VTI1A: variants seen among roughly 807,000 people sequenced by gnomAD.
The protein encoded by VTI1A is vesicle transport through interaction with t-SNAREs homolog 1A.
VTI1A carries 22 observed loss-of-function variants against 34.9 expected under a neutral mutation model. That is an observed-to-expected ratio of 0.63 (90% confidence interval 0.45 to 0.90). The LOEUF (loss-of-function observed/expected upper bound fraction) is 0.90, where lower values mean the gene tolerates loss of function less well. Ranked by LOEUF, VTI1A falls within the 40% of genes least tolerant of loss-of-function variation. The probability of loss-of-function intolerance (pLI) is 0.00; values close to 1 mark genes in which losing one functional copy is unlikely to be tolerated. For synonymous variants in VTI1A, 87 were observed against 97.3 expected (o/e 0.89, Z 0.62); for missense variants, 268 against 275.6 (o/e 0.97, Z 0.20).
intron 4 of VTI1A, among the ~76,000 whole-genome samples, chr10:112,535,425 T>C (rs1850583407): frequency 6.6e-6 from 1 of 152,196 alleles, no homozygotes. Flanking sequence ...AACTTGCAAC[T>C]GTGCTAAGAA....
At chr10:112,820,279 A>C (rs957927019), downstream of VTI1A, among the ~76,000 whole-genome samples, 12 of 151,656 alleles carry the variant, frequency 7.9e-5, no homozygotes, top group African/African-American at 2.9e-4. Flanking sequence ...GGAAGAAAGG[A>C]AGGAAGAAAG....
At chr10:112,791,461 T>A (rs1248585636) in intron 7 of VTI1A, among the ~76,000 whole-genome samples, 1 of 152,158 alleles carries the variant, frequency 6.6e-6, no homozygotes, top group Non-Finnish European at 1.5e-5. Context: ...CACCCACTCA[T>A]CAGGTGATTG....
intron 3 of VTI1A, among the ~76,000 whole-genome samples, chr10:112,508,287 T>C (rs1849498803): frequency 6.6e-6 from 1 of 152,226 alleles, no homozygotes; most frequent in Admixed American, 6.5e-5. Flanking sequence ...CTGGTGCTTC[T>C]CAAGCTTATC....
intron 5 of VTI1A, among the ~76,000 whole-genome samples, chr10:112,547,596 A>C (rs1851180810): frequency 6.6e-6 from 1 of 151,954 alleles, no homozygotes; most frequent in African/African-American, 2.4e-5. Context: ...TCATAATCAT[A>C]ATAATAATAA....
chr10:112,644,927 A>C (rs367629744), intron 5 of VTI1A, among the ~76,000 whole-genome samples: 38 of 152,222 alleles, frequency 2.5e-4, no homozygotes, highest in African/African-American at 8.9e-4. Context: ...AAATAGTACA[A>C]TTATTTGATA....
rs1360853423 is a variant in VTI1A, at chr10:112,767,450, A to G, written c.561-47840A>G. ...CAGACCCAGTGCCTAAAAGGAAGTA[A>G]GTGCCTATTCAATGCCGAATATGAA... On this transcript the variant is annotated intron_variant, in intron 7 of 7. Transcript: ENST00000393077. The surrounding 1 kb of genome is among the most constrained non-coding windows in gnomAD (Gnocchi z 4.0). 6.6e-6 allele frequency among the ~76,000 whole-genome samples: 1 copy of G among 152,196 alleles called. No homozygotes were observed. The highest frequency in any genetic ancestry group is 6.5e-5 in the Admixed American group (1 of 15,284).
chr10:112,669,076 G>A (rs1847751797), intron 7 of VTI1A, 78 bp downstream of exon 7: 2 of 1,522,044 alleles, frequency 1.3e-6, no homozygotes, highest in Non-Finnish European at 1.8e-6. Context: ...TTGCAATGGG[G>A]CATATTACAT....
chr10:112,697,866 A>ATGTGTGTGTGTGTGTGTGTGTG (rs67142519), intron 7 of VTI1A, among the ~76,000 whole-genome samples: 3 of 134,824 alleles, frequency 2.2e-5, no homozygotes, highest in Non-Finnish European at 5.1e-5. Context: ...TAGCATTTAC[A>ATGTGTGTGTGTGTGTGTGTGTG]TGTGTGTGTG....
chr10:112,690,312 T>C (rs1848570723), intron 7 of VTI1A, among the ~76,000 whole-genome samples: 1 of 152,202 alleles, frequency 6.6e-6, no homozygotes, highest in South Asian at 2.1e-4. Context: ...GGTAAGTATA[T>C]GTTTAATTTT....
chr10:112,483,512 T>C (rs145318801), intron 3 of VTI1A, among the ~76,000 whole-genome samples: 3 of 152,294 alleles, frequency 2.0e-5, no homozygotes, highest in East Asian at 3.9e-4. Flanking sequence ...TAATGGTAAG[T>C]CTTTCTCTTT....
intron 5 of VTI1A, among the ~76,000 whole-genome samples, chr10:112,659,460 G>A (rs931045987): frequency 1.3e-5 from 2 of 152,138 alleles, no homozygotes; most frequent in African/African-American, 4.8e-5. Context: ...CCAGAGCATC[G>A]TTACTGGTAG....
intron 4 of VTI1A, among the ~76,000 whole-genome samples, chr10:112,537,184 C>T (rs1300644496): frequency 1.3e-5 from 2 of 151,326 alleles, no homozygotes; most frequent in African/African-American, 4.9e-5. Flanking sequence ...TTTTTTCTTT[C>T]TTTTTGACCA....
intron 7 of VTI1A, among the ~76,000 whole-genome samples, chr10:112,791,377 AG>A (rs1167485860): frequency 1.3e-5 from 2 of 152,186 alleles, no homozygotes; most frequent in Non-Finnish European, 2.9e-5. Flanking sequence ...AAAAGGCCAG[AG>A]GGGGGTAGCA....
chr10:112,618,508 T>TAGAGAG (rs1360598727), intron 5 of VTI1A, among the ~76,000 whole-genome samples: 61 of 31,288 alleles, frequency 1.9e-3, no homozygotes, highest in Non-Finnish European at 2.6e-3. Context: ...TATATATATA[T>TAGAGAG]ATATATATAT....
intron 1 of VTI1A, among the ~76,000 whole-genome samples, chr10:112,447,939 A>G (rs1846990179): frequency 6.6e-6 from 1 of 152,174 alleles, no homozygotes; most frequent in African/African-American, 2.4e-5. Flanking sequence ...TCTGTCACTT[A>G]GAAGTTGTGC....
chr10:112,464,690 T>C (rs1403405833), intron 3 of VTI1A, 33 bp downstream of exon 3: 2 of 1,572,126 alleles, frequency 1.3e-6, no homozygotes, highest in Non-Finnish European at 1.7e-6. Flanking sequence ...TCATATTTAC[T>C]TTTTTTTAAA....
the VTI1A span, among the ~76,000 whole-genome samples, chr10:112,832,705 C>T: frequency 6.6e-6 from 1 of 152,246 alleles, no homozygotes; most frequent in Non-Finnish European, 1.5e-5. Context: ...GAGAATCTCA[C>T]TCATTATAGG....
In VTI1A at chr10:112,528,359, G is replaced by A. The variant is rs937577064; in HGVS notation, c.342+1195G>A. 2.0e-5 allele frequency among the ~76,000 whole-genome samples: 3 copies of A among 152,198 alleles called. No individual in the cohort carries two copies. In the South Asian group the frequency reaches 6.2e-4, roughly 32 times the overall value. On this transcript the variant is annotated intron_variant, in intron 4 of 7. Coordinates refer to ENST00000393077, the MANE Select transcript of VTI1A (RefSeq NM_145206.4). ...CCACCCCCAAAAAAGAGAGAAGAAT[G>A]ACTGAGCTGATTATGTTTGTTTTTG...
upstream of VTI1A, chr10:112,447,052 A>G: frequency 3.2e-6 from 1 of 316,764 alleles, no homozygotes; most frequent in Non-Finnish European, 6.2e-6. Flanking sequence ...AAGGGGGGAA[A>G]AAACGCTTCT....
Sources: allele counts gnomAD v4.1 joint callset (sites outside exome capture counted in the v4.1 genomes callset), GRCh38; gene constraint gnomAD v4.1.1; non-coding constraint Gnocchi (gnomAD v3.1); transcripts MANE v1.5; gene names NCBI Gene and HGNC (gene_info 2026-07-23, HGNC 2026-07-21).